The following KTN1 variants were observed in gnomAD, a reference collection of about 807,000 sequenced individuals.
KTN1 encodes the protein kinectin 1, also known as kinectin.
A neutral mutation model predicts 222.5 loss-of-function variants in KTN1; 130 were observed. The ratio of observed to expected loss-of-function variants is 0.58; its 90% CI spans 0.51 to 0.68. The LOEUF is 0.68. Ranked by LOEUF, KTN1 falls within the 30% of genes least tolerant of loss-of-function variation. The pLI, the probability that KTN1 is intolerant of heterozygous loss-of-function variation, is 0.00. For missense variants in KTN1, 1,508 were observed against 1,500.4 expected, an observed-to-expected ratio of 1.01 and a Z score of -0.08; for synonymous variants, 512 against 496.3, an observed-to-expected ratio of 1.03 and a Z score of -0.42.
At chr14:55,603,363 C>T (rs1465317978) in intron 1 of KTN1, among the ~76,000 whole-genome samples, 1 of 152,246 alleles carries the variant, frequency 6.6e-6, no homozygotes, top group Non-Finnish European at 1.5e-5. Flanking sequence ...TTGATCACCA[C>T]TACTCTACTG....
chr14:55,642,024 C>T (rs557864713), intron 18 of KTN1, among the ~76,000 whole-genome samples: 2 of 152,266 alleles, frequency 1.3e-5, no homozygotes, highest in East Asian at 1.9e-4. Context: ...CATTTTGATA[C>T]ATTTGACTTT....
Position 55,660,945 on chromosome 14 carries a change from C to A in KTN1, c.3000-577C>A, listed in dbSNP as rs72719483. Among the ~76,000 whole-genome samples the A allele has an allele frequency of 8.9e-3, 1,351 of 152,258 alleles. 21 individuals carry two copies. The highest frequency in any genetic ancestry group is 0.015 in the Non-Finnish European group (1,016 of 68,024). ...GCTATTTGTTATTTAACTTTCTACT[C>A]CAGCCACTCTCAACTATAACAGAAT... On this transcript the variant is annotated intron_variant, in intron 31 of 43. Coordinates refer to ENST00000395314, the MANE Select transcript of KTN1 (RefSeq NM_001079521.2).
chr14:55,647,075 G>C (rs899600183), intron 19 of KTN1, 68 bp downstream of exon 19: 17 of 975,116 alleles, frequency 1.7e-5, no homozygotes, highest in Non-Finnish European at 2.7e-5. Context: ...ATTAATTAGA[G>C]TTTTAAAATT....
intron 6 of KTN1, among the ~76,000 whole-genome samples, 163 bp downstream of exon 6, chr14:55,628,191 T>C (rs1369410701): frequency 6.6e-6 from 1 of 152,226 alleles, no homozygotes; most frequent in African/African-American, 2.4e-5. Context: ...GTCTCTCTCT[T>C]TTGTGATATT....
chr14:55,600,150 G>T (rs1368543614), intron 1 of KTN1, among the ~76,000 whole-genome samples: 2 of 150,142 alleles, frequency 1.3e-5, no homozygotes, highest in African/African-American at 2.4e-5. Context: ...CCCCAGAAGA[G>T]ACATAATACC....
At chr14:55,648,309 G>A (rs1221525707) in intron 20 of KTN1, among the ~76,000 whole-genome samples, 194 bp downstream of exon 20, 2 of 152,088 alleles carry the variant, frequency 1.3e-5, no homozygotes, top group East Asian at 3.8e-4. Context: ...GCCTTAATGA[G>A]GTAGATACTA....
intron 1 of KTN1, among the ~76,000 whole-genome samples, chr14:55,586,003 T>TA (rs1389166535): frequency 6.6e-6 from 1 of 152,266 alleles, no homozygotes; most frequent in Non-Finnish European, 1.5e-5. Flanking sequence ...GACATGATGT[T>TA]ACACTGCATT....
At position 55,644,441 on chromosome 14, in the gene KTN1, C is replaced by T. The variant is rs1196759302; in HGVS notation, c.2173-2532C>T. On this transcript the variant is annotated intron_variant, in intron 18 of 43. Coordinates refer to ENST00000395314, the MANE Select transcript of KTN1 (RefSeq NM_001079521.2). Reference sequence around the variant, plus strand: ...TAGGAAGCAGAAAGACAACAGGTACCAAGTAAGTTAACCTGTTGATACCCT... The same window carrying T: ...TAGGAAGCAGAAAGACAACAGGTACTAAGTAAGTTAACCTGTTGATACCCT... 3.6e-5 allele frequency: 25 copies of T among 701,744 alleles called. 1 individual carries two copies. The Middle Eastern group carries it at 2.1e-3, about 58-fold the overall frequency. 43.5% of individuals were successfully genotyped at this position (701,744 alleles called of 1,614,324 possible).
At chr14:55,679,469 T>A (rs1030441501) in intron 42 of KTN1, 96 bp from the exon 43 acceptor site, 6 of 973,876 alleles carry the variant, frequency 6.2e-6, no homozygotes, top group Non-Finnish European at 9.2e-6. Flanking sequence ...TTTTAATGTT[T>A]GTGTTTAAAT....
intron 1 of KTN1, among the ~76,000 whole-genome samples, chr14:55,596,854 A>G (rs1310301462): frequency 2.0e-5 from 3 of 151,044 alleles, no homozygotes; most frequent in Admixed American, 2.0e-4. Flanking sequence ...AAACTTTGTT[A>G]ATATATCAAA....
rs781625945 is a variant in KTN1 at position 55,630,022 on chromosome 14, A to T, written c.1146A>T (p.Thr382=). 17 of 1,602,034 alleles carry T rather than the reference A, an allele frequency of 1.1e-5. No individual in the cohort carries two copies. Among genetic ancestry groups the T allele is most frequent in the Non-Finnish European group, 1.3e-5 (15 of 1,169,094 alleles). ...CAAGGATGAAAGATCGAATTGGAAC[A>T]TTAGAAAAGGAACATAATGTATTTC... ...VITRMKDRIG[T]LEKEHNVFQN... Residue 382 remains threonine (T), a synonymous_variant, in exon 7 of 44, where the codon ACA becomes ACT. Transcript: ENST00000395314.
chr14:55,590,400 G>A (rs1200641946), intron 1 of KTN1, among the ~76,000 whole-genome samples: 1 of 152,100 alleles, frequency 6.6e-6, no homozygotes, highest in Non-Finnish European at 1.5e-5. Flanking sequence ...AATAAAATAC[G>A]TATGAGATAA....
intron 1 of KTN1, among the ~76,000 whole-genome samples, chr14:55,610,530 TTATC>T (rs1366746498): frequency 2.6e-5 from 4 of 152,202 alleles, no homozygotes; most frequent in African/African-American, 4.8e-5. Flanking sequence ...TTTGGTTTCT[TTATC>T]TAATCATGAC....
At chr14:55,662,495 A>G (rs573928992) in intron 32 of KTN1, among the ~76,000 whole-genome samples, 36 of 152,282 alleles carry the variant, frequency 2.4e-4, no homozygotes, top group African/African-American at 8.7e-4. Context: ...TATGAACCCT[A>G]ATAACTTACT....
intron 3 of KTN1, among the ~76,000 whole-genome samples, chr14:55,617,090 A>C (rs2038499897): frequency 6.6e-6 from 1 of 152,206 alleles, no homozygotes; most frequent in African/African-American, 2.4e-5. Flanking sequence ...ATCAGATTAT[A>C]AGAGATGGAG....
At chr14:55,640,808 A>ACTG in intron 15 of KTN1, 125 bp from the exon 16 acceptor site, 1 of 748,142 alleles carries the variant, frequency 1.3e-6, no homozygotes. Flanking sequence ...TTACAGAAAT[A>ACTG]TACAGTATTG....
intron 5 of KTN1, among the ~76,000 whole-genome samples, chr14:55,622,449 T>C (rs1263446564): frequency 6.6e-6 from 1 of 152,236 alleles, no homozygotes; most frequent in Non-Finnish European, 1.5e-5. Context: ...TATATTCTTA[T>C]GGGTCATATT....
At chr14:55,663,392 A>G (rs900213544) in intron 32 of KTN1, 4 of 167,412 alleles carry the variant, frequency 2.4e-5, no homozygotes, top group Non-Finnish European at 5.2e-5. Context: ...AGCTCATACA[A>G]TTCATGTAAG....
At chr14:55,669,291 T>C (rs2045217507) in intron 34 of KTN1, among the ~76,000 whole-genome samples, 1 of 152,070 alleles carries the variant, frequency 6.6e-6, no homozygotes. Flanking sequence ...TAGAAATATT[T>C]ATAAGTCATC....
Sources: gnomAD v4.1 joint callset for allele counts (sites outside exome capture counted in the v4.1 genomes callset) on GRCh38, gnomAD v4.1.1 for gene constraint, MANE v1.5 for transcripts, NCBI Gene and HGNC (gene_info 2026-07-23, HGNC 2026-07-21) for gene names.